Variants in EIPR1 observed in about 807,000 individuals in gnomAD.
EIPR1 encodes the protein EARP and GARP complex-interacting protein 1.
Under a neutral mutation model 48.1 loss-of-function variants are expected in EIPR1, and 25 were observed. That is an observed-to-expected ratio of 0.52 (90% CI 0.38 to 0.73). The LOEUF is 0.73. Ranked by LOEUF, EIPR1 falls within the 30% of genes least tolerant of loss-of-function variation. The probability of loss-of-function intolerance (pLI) is 0.00; values close to 1 mark genes in which losing one functional copy is unlikely to be tolerated. For synonymous variants in EIPR1, 204 were observed against 201.9 expected (o/e 1.01, Z -0.09); for missense variants, 415 against 506.2 (o/e 0.82, Z 1.73).
intron 4 of EIPR1, among the ~76,000 whole-genome samples, chr2:3,250,549 G>T (rs891167055): frequency 6.6e-6 from 1 of 152,202 alleles, no homozygotes; most frequent in South Asian, 2.1e-4. Flanking sequence ...GGAAAGAGAT[G>T]ATTGAATTTT....
intron 1 of EIPR1, chr2:3,377,358 G>T: frequency 2.6e-6 from 1 of 385,606 alleles, no homozygotes. Context: ...AAAGGTGGGC[G>T]TGTAAATAAA....
At chr2:3,309,791 C>A (rs550108093) in intron 3 of EIPR1, among the ~76,000 whole-genome samples, 59 of 152,330 alleles carry the variant, frequency 3.9e-4, no homozygotes, top group African/African-American at 1.3e-3. Context: ...CGGTCCACAC[C>A]TCCTTCTGTT....
At chr2:3,348,177 G>A (rs1670461967) in intron 2 of EIPR1, among the ~76,000 whole-genome samples, 1 of 152,172 alleles carries the variant, frequency 6.6e-6, no homozygotes, top group African/African-American at 2.4e-5. Flanking sequence ...CAGCTTAGCT[G>A]AGAAACTAAG....
chr2:3,200,098 T>A (rs1205826315), intron 5 of EIPR1, among the ~76,000 whole-genome samples: 1 of 151,996 alleles, frequency 6.6e-6, no homozygotes, highest in Non-Finnish European at 1.5e-5. Context: ...GGGAGAAGAA[T>A]AGCCATGGTG....
chr2:3,338,406 T>A (rs1670132879), intron 2 of EIPR1, among the ~76,000 whole-genome samples: 1 of 152,212 alleles, frequency 6.6e-6, no homozygotes, highest in East Asian at 1.9e-4. Flanking sequence ...TCATATCCAG[T>A]CTTAAAGAAA....
At chr2:3,190,586 G>A (rs1385745798) in intron 8 of EIPR1, among the ~76,000 whole-genome samples, 1 of 152,140 alleles carries the variant, frequency 6.6e-6, no homozygotes, top group Non-Finnish European at 1.5e-5. Context: ...TTGCTCCCAT[G>A]ACATTGCCGC....
At chr2:3,337,889 A>G in intron 3 of EIPR1, 128 bp downstream of exon 3, 1 of 989,296 alleles carries the variant, frequency 1.0e-6, no homozygotes, top group East Asian at 2.5e-5. Flanking sequence ...TTCTCTGTGC[A>G]TGCAACACCT....
intron 3 of EIPR1, among the ~76,000 whole-genome samples, chr2:3,260,004 C>A (rs1233868652): frequency 6.6e-6 from 1 of 152,092 alleles, no homozygotes; most frequent in Admixed American, 6.6e-5. Flanking sequence ...ATCTTCTCAG[C>A]CTTGGGACAA....
At chr2:3,308,508 GA>G (rs111414436) in intron 3 of EIPR1, among the ~76,000 whole-genome samples, 1 of 150,844 alleles carries the variant, frequency 6.6e-6, no homozygotes, top group Non-Finnish European at 1.5e-5. Flanking sequence ...AAAATAGACG[GA>G]AAAAAAAATG....
intron 3 of EIPR1, among the ~76,000 whole-genome samples, chr2:3,277,740 AC>A (rs2103254726): frequency 6.6e-6 from 1 of 152,212 alleles, no homozygotes; most frequent in South Asian, 2.1e-4. Context: ...CTCAGCCCCT[AC>A]CCTCCATTTA....
intron 5 of EIPR1, among the ~76,000 whole-genome samples, chr2:3,199,426 T>C (rs1221690666): frequency 2.0e-5 from 3 of 152,170 alleles, no homozygotes; most frequent in African/African-American, 7.2e-5. Context: ...AGAGCATTGA[T>C]TGGGGAAGTG....
chr2:3,297,409 G>C (rs759636226), intron 3 of EIPR1, among the ~76,000 whole-genome samples: 4 of 152,226 alleles, frequency 2.6e-5, no homozygotes, highest in Non-Finnish European at 5.9e-5. Flanking sequence ...CTCAGCAGAT[G>C]GTGGGCATTT....
intron 5 of EIPR1, among the ~76,000 whole-genome samples, chr2:3,210,622 C>A (rs1665413312): frequency 7.2e-6 from 1 of 138,852 alleles, no homozygotes; most frequent in Non-Finnish European, 1.5e-5. Flanking sequence ...GTTTACCTCC[C>A]AATTCTTTTT....
At chr2:3,325,266 C>G (rs755031561) in intron 3 of EIPR1, among the ~76,000 whole-genome samples, 1 of 152,232 alleles carries the variant, frequency 6.6e-6, no homozygotes, top group Non-Finnish European at 1.5e-5. Flanking sequence ...CCCTGTGCAG[C>G]GAGCCTGTGC....
chr2:3,297,540 C>T, intron 3 of EIPR1, among the ~76,000 whole-genome samples: 1 of 152,238 alleles, frequency 6.6e-6, no homozygotes, highest in Non-Finnish European at 1.5e-5. Flanking sequence ...CAGCCTCATG[C>T]CCAGGGGAAA....
At position 3,205,653 on chromosome 2, in the gene EIPR1, G is replaced by A. The variant is rs149919039; in HGVS notation, c.516+8496C>T. ...CCTCTAGTGCCCATTTGAGAATGCC[G>A]ATGACACCTATGGAAACTTCCCTTC... On this transcript the variant is annotated intron_variant, in intron 5 of 8. Coordinates refer to ENST00000382125, the MANE Select transcript of EIPR1 (RefSeq NM_003310.5). Among the ~76,000 whole-genome samples the A allele has an allele frequency of 7.7e-3, 1,173 of 152,316 alleles. 30 individuals carry two copies. Among genetic ancestry groups the A allele is most frequent in the Admixed American group, 0.055 (835 of 15,306 alleles).
chr2:3,313,303 C>G (rs1227898303), intron 3 of EIPR1, among the ~76,000 whole-genome samples: 1 of 152,168 alleles, frequency 6.6e-6, no homozygotes, highest in Non-Finnish European at 1.5e-5. Context: ...TTCTGAGAGG[C>G]AGAGACCTGG....
intron 3 of EIPR1, among the ~76,000 whole-genome samples, chr2:3,311,427 C>A (rs1669124624): frequency 6.6e-6 from 1 of 152,044 alleles, no homozygotes; most frequent in African/African-American, 2.4e-5. Context: ...GGTGAGGGGG[C>A]AGCTACAAGC....
intron 3 of EIPR1, among the ~76,000 whole-genome samples, chr2:3,260,697 A>G (rs1330611220): frequency 2.0e-5 from 3 of 152,220 alleles, no homozygotes; most frequent in Non-Finnish European, 4.4e-5. Context: ...AATTTTTTTA[A>G]ATGTACCTTA....
Sources: allele counts gnomAD v4.1 joint callset (sites outside exome capture counted in the v4.1 genomes callset), GRCh38; gene constraint gnomAD v4.1.1; transcripts MANE v1.5; gene names NCBI Gene and HGNC (gene_info 2026-07-23, HGNC 2026-07-21).